Variants in MEMO1 observed in about 807,000 individuals in gnomAD.
MEMO1 encodes the protein mediator of cell motility 1, also known as protein MEMO1.
Under a neutral mutation model 45.2 loss-of-function variants are expected in MEMO1, and 6 were observed. That is an observed-to-expected ratio of 0.13 (90% CI 0.07 to 0.26). The LOEUF is 0.26. Ranked by LOEUF, MEMO1 falls within the 10% of genes least tolerant of loss-of-function variation. The pLI, the probability that MEMO1 is intolerant of heterozygous loss-of-function variation, is 1.00. For missense variants in MEMO1, 184 were observed against 370.5 expected (o/e 0.50, Z 4.13); for synonymous variants, 78 against 124.3 (o/e 0.63, Z 2.48).
intron 6 of MEMO1, among the ~76,000 whole-genome samples, chr2:31,900,593 A>G (rs893190079): frequency 6.6e-6 from 1 of 152,098 alleles, no homozygotes; most frequent in Non-Finnish European, 1.5e-5. Context: ...TGATGGGCTG[A>G]TGGGTGCAGC....
At chr2:31,995,723 GTAA>G (rs1256780371) in intron 2 of MEMO1, among the ~76,000 whole-genome samples, 1 of 151,952 alleles carries the variant, frequency 6.6e-6, no homozygotes, top group Non-Finnish European at 1.5e-5. Flanking sequence ...CCTCAAGGAG[GTAA>G]TAATAAAGAT....
intron 2 of MEMO1, among the ~76,000 whole-genome samples, chr2:31,978,437 G>A (rs1670261354): frequency 6.6e-6 from 1 of 152,164 alleles, no homozygotes; most frequent in Non-Finnish European, 1.5e-5. Context: ...CTGGCATATA[G>A]TAAAGGTTCA....
At position 31,983,555 on chromosome 2, in the gene MEMO1, C is replaced by A. The variant is rs893324798; in HGVS notation, c.61+26632G>T. Among the ~76,000 whole-genome samples the A allele has an allele frequency of 5.9e-5, 9 of 152,128 alleles. 1 individual carries two copies. Among genetic ancestry groups the A allele is most frequent in the Admixed American group, 2.0e-4 (3 of 15,276 alleles). ...GTTCAAGCGGTTCTCCTGCCTCAGC[C>A]TCCTGAGTAGCTGGGATTACAGGCA... On this transcript the variant is annotated intron_variant, in intron 2 of 9. Coordinates refer to ENST00000404530, the MANE Select transcript of MEMO1 (RefSeq NM_001301833.4).
intron 3 of MEMO1, among the ~76,000 whole-genome samples, chr2:31,942,093 A>G (rs904316956): frequency 1.3e-5 from 2 of 152,224 alleles, no homozygotes; most frequent in African/African-American, 4.8e-5. Context: ...TATGTTGTGA[A>G]GGTTAGCACT....
At chr2:32,008,608 C>G (rs940609979) in intron 2 of MEMO1, among the ~76,000 whole-genome samples, 2 of 152,114 alleles carry the variant, frequency 1.3e-5, no homozygotes, top group Admixed American at 1.3e-4. Flanking sequence ...AACCACTTCT[C>G]TACATGTTTC....
chr2:31,969,583 GT>G (rs1334299489), intron 2 of MEMO1, among the ~76,000 whole-genome samples: 124 of 99,038 alleles, frequency 1.3e-3, no homozygotes, highest in Non-Finnish European at 1.5e-3. Context: ...GGGTGTGTGT[GT>G]GGGTGTGTGT....
At chr2:31,956,737 C>A (rs539271960) in intron 2 of MEMO1, among the ~76,000 whole-genome samples, 3 of 152,258 alleles carry the variant, frequency 2.0e-5, no homozygotes, top group Non-Finnish European at 4.4e-5. Context: ...GGGGGAAGAA[C>A]ACGCATTATA....
chr2:32,006,105 G>C (rs576819936), intron 2 of MEMO1, among the ~76,000 whole-genome samples: 1 of 152,324 alleles, frequency 6.6e-6, no homozygotes, highest in Non-Finnish European at 1.5e-5. Flanking sequence ...AAACTGGGTT[G>C]GGGTAGGGGA....
chr2:31,942,424 A>G (rs1320618917), intron 3 of MEMO1, among the ~76,000 whole-genome samples: 1 of 152,224 alleles, frequency 6.6e-6, no homozygotes. Context: ...TACCTGATGT[A>G]AAAAACACTT....
intron 2 of MEMO1, among the ~76,000 whole-genome samples, chr2:31,968,270 G>T (rs1026954516): frequency 5.3e-5 from 8 of 152,170 alleles, no homozygotes; most frequent in African/African-American, 1.7e-4. Flanking sequence ...GCTTTGTAGG[G>T]GAAATACGGG....
intron 2 of MEMO1, among the ~76,000 whole-genome samples, chr2:31,973,573 G>A (rs777741242): frequency 4.6e-5 from 7 of 152,102 alleles, no homozygotes; most frequent in Non-Finnish European, 8.8e-5. Flanking sequence ...TGAAATGTCC[G>A]TCAGCAGATA....
intron 8 of MEMO1, among the ~76,000 whole-genome samples, chr2:31,876,637 G>C (rs966710954): frequency 3.9e-5 from 6 of 152,024 alleles, no homozygotes; most frequent in East Asian, 3.9e-4. Flanking sequence ...ATGTCTTAAA[G>C]GCAACAGCAA....
chr2:31,968,484 T>C (rs1232723376), intron 2 of MEMO1, among the ~76,000 whole-genome samples: 1 of 152,190 alleles, frequency 6.6e-6, no homozygotes, highest in African/African-American at 2.4e-5. Context: ...TATGAGTAGA[T>C]TTCTAGTATT....
chr2:31,876,356 C>G (rs1361608844), intron 8 of MEMO1, among the ~76,000 whole-genome samples: 3 of 152,212 alleles, frequency 2.0e-5, no homozygotes, highest in Non-Finnish European at 4.4e-5. Flanking sequence ...GGTAGTCTTT[C>G]TCAGACCACT....
chr2:31,928,300 T>C (rs1237635366), intron 4 of MEMO1, among the ~76,000 whole-genome samples: 1 of 152,176 alleles, frequency 6.6e-6, no homozygotes, highest in Non-Finnish European at 1.5e-5. Context: ...CCCAACACTT[T>C]GGGAGGCCAA....
chr2:31,871,498 T>TAC (rs77754382), intron 8 of MEMO1, among the ~76,000 whole-genome samples: 2,833 of 147,956 alleles, frequency 0.019, 42 homozygotes, highest in South Asian at 0.035. Flanking sequence ...ATTCCATATA[T>TAC]ACACACACAC....
chr2:31,977,542 C>T (rs940115706), intron 2 of MEMO1, among the ~76,000 whole-genome samples: 17 of 152,038 alleles, frequency 1.1e-4, no homozygotes, highest in African/African-American at 3.6e-4. Flanking sequence ...GAGAGAGGTT[C>T]TCACTCTGTC....
chr2:31,959,794 A>G (rs1269621819), intron 2 of MEMO1, among the ~76,000 whole-genome samples: 2 of 152,088 alleles, frequency 1.3e-5, no homozygotes, highest in Admixed American at 1.3e-4. Flanking sequence ...TATTTTTTAT[A>G]CCTCACAACA....
rs550641732 is a variant in MEMO1 at position 31,989,694 on chromosome 2, G to C, written c.61+20493C>G. ...CATCTTGATTGTGTTGACTTTCATA[G>C]ATATATTAAATATATGTAACTTATC... On this transcript the variant is annotated intron_variant, in intron 2 of 9. Transcript: ENST00000404530. Among the ~76,000 whole-genome samples, 73 of 152,226 alleles carry C rather than the reference G, an allele frequency of 4.8e-4. No homozygotes were observed. The South Asian group carries it at 0.015, about 30-fold the overall frequency.
Sources: allele counts gnomAD v4.1 joint callset (sites outside exome capture counted in the v4.1 genomes callset), GRCh38; gene constraint gnomAD v4.1.1; transcripts MANE v1.5; gene names NCBI Gene and HGNC (gene_info 2026-07-23, HGNC 2026-07-21).